The following UGT1A8 variants were observed in gnomAD, a reference collection of about 807,000 sequenced individuals.
The protein encoded by UGT1A8 is UDP glucuronosyltransferase family 1 member A8.
Under a neutral mutation model 45.3 loss-of-function variants are expected in UGT1A8, and 39 were observed. The observed-to-expected ratio is 0.86, with a 90% CI of 0.67 to 1.12. UGT1A8 has a LOEUF of 1.12. Among genes scored for constraint, UGT1A8 ranks in the 50% most tolerant of loss-of-function variants. The pLI, the probability that UGT1A8 is intolerant of heterozygous loss-of-function variation, is 0.00. For synonymous variants in UGT1A8, 275 were observed against 249.2 expected (o/e 1.10, Z -0.97); for missense variants, 719 against 664.9 (o/e 1.08, Z -0.90).
intron 3 of UGT1A8, 57 bp downstream of exon 3, chr2:233,767,993 T>G (rs2126036231): frequency 1.2e-6 from 2 of 1,614,180 alleles, no homozygotes; most frequent in Admixed American, 3.3e-5. Flanking sequence ...AGAAAATGGC[T>G]TAAGCACAGC....
intron 1 of UGT1A8, chr2:233,682,813 C>T (rs540122920): frequency 3.1e-5 from 50 of 1,593,566 alleles, no homozygotes; most frequent in Non-Finnish European, 4.1e-5. Context: ...TCCCCTTTAG[C>T]ACATTAAGAA....
intron 1 of UGT1A8, chr2:233,690,419 C>A: frequency 8.1e-7 from 1 of 1,228,856 alleles, no homozygotes; most frequent in Non-Finnish European, 1.1e-6. Flanking sequence ...AAATTACCTT[C>A]ATGCACATCT....
intron 1 of UGT1A8, among the ~76,000 whole-genome samples, chr2:233,709,696 T>C (rs554703505): frequency 1.5e-4 from 23 of 152,216 alleles, no homozygotes; most frequent in Non-Finnish European, 2.6e-4. Flanking sequence ...TGGGAAAATT[T>C]TGTTCTTTTT....
intron 1 of UGT1A8, among the ~76,000 whole-genome samples, chr2:233,759,124 T>C (rs184414791): frequency 7.2e-5 from 11 of 152,358 alleles, no homozygotes; most frequent in Admixed American, 2.6e-4. Flanking sequence ...AGTTACAGCC[T>C]CTGGTACGCA....
At chr2:233,724,425 G>A in intron 1 of UGT1A8, among the ~76,000 whole-genome samples, 1 of 126,932 alleles carries the variant, frequency 7.9e-6, no homozygotes, top group East Asian at 2.6e-4. Flanking sequence ...CGGGCGGAGA[G>A]GCTCCTCACT....
At chr2:233,640,275 A>G (rs781381662) in intron 1 of UGT1A8, among the ~76,000 whole-genome samples, 1 of 152,118 alleles carries the variant, frequency 6.6e-6, no homozygotes, top group Non-Finnish European at 1.5e-5. Context: ...AATAATTTTC[A>G]GTGTTTTGCT....
chr2:233,720,612 AT>A (rs749616035), intron 1 of UGT1A8, among the ~76,000 whole-genome samples: 15 of 151,828 alleles, frequency 9.9e-5, no homozygotes, highest in Non-Finnish European at 2.1e-4. Context: ...AATACAGAAT[AT>A]TTGGGTTTCA....
chr2:233,769,511 C>T lies in UGT1A8; in HGVS notation c.1295+1072C>T. On this transcript the variant is annotated intron_variant, in intron 4 of 4. Coordinates refer to ENST00000373450, the MANE Select transcript of UGT1A8 (RefSeq NM_019076.5). This position sits in a 1 kb window ranked among gnomAD's most constrained non-coding sequence, Gnocchi z 4.4. ...TTTATGAGAGTGTCCATTGCTTTCT[C>T]CCATGGTTACCTCCTTTAGAAAGAA... 6.2e-7 allele frequency: 1 copy of T among 1,612,794 alleles called. No individual in the cohort carries two copies. The highest frequency in any genetic ancestry group is 8.5e-7 in the Non-Finnish European group (1 of 1,179,854).
At chr2:233,757,560 A>ATATATATATATG (rs904896556) in intron 1 of UGT1A8, among the ~76,000 whole-genome samples, 14 of 123,154 alleles carry the variant, frequency 1.1e-4, no homozygotes, top group African/African-American at 4.8e-4. Context: ...ATATATATAT[A>ATATATATATATG]TGTATATATG....
At chr2:233,634,528 T>C (rs943506526) in intron 1 of UGT1A8, among the ~76,000 whole-genome samples, 2 of 152,328 alleles carry the variant, frequency 1.3e-5, no homozygotes, top group East Asian at 3.9e-4. Context: ...TAGCTCTTCT[T>C]GTTACATTGA....
In UGT1A8 at chr2:233,712,300, T is replaced by C. The variant is rs189228141; in HGVS notation, c.856-54734T>C. Among the ~76,000 whole-genome samples the C allele has an allele frequency of 8.4e-4, 128 of 151,886 alleles. 1 individual carries two copies. The highest frequency in any genetic ancestry group is 3.4e-3 in the Middle Eastern group (1 of 294). On this transcript the variant is annotated intron_variant, in intron 1 of 4. Coordinates refer to ENST00000373450, the MANE Select transcript of UGT1A8 (RefSeq NM_019076.5). ...AGCACCTCTTCTTCCATGGTGTAGA[T>C]GGAGAATCCTCAACAAAGCCTTTCC...
intron 1 of UGT1A8, chr2:233,717,688 G>A: frequency 2.3e-6 from 1 of 441,794 alleles, no homozygotes; most frequent in South Asian, 1.6e-5. Flanking sequence ...ATGTAGGAGT[G>A]ACTTTCTGGA....
rs1236146050 is a variant in UGT1A8, at chr2:233,618,381, A to G, written c.674A>G (p.Lys225Arg). 1 of 1,613,892 alleles carries G rather than the reference A, an allele frequency of 6.2e-7. No homozygotes were observed. The highest frequency in any genetic ancestry group is 8.5e-7 in the Non-Finnish European group (1 of 1,179,852). ...CATTTATTTTGCCAGTATTTTTCCA[A>G]AAATGCCCTAGAAATAGCCTCTGAA... ...EEHLFCQYFS[K>R]NALEIASEIL... Residue 225 changes from lysine to arginine, a missense_variant, in exon 1 of 5, where the codon AAA becomes AGA. Lys to Arg is a conservative substitution (Grantham distance 26, BLOSUM62 2). Coordinates refer to ENST00000373450, the MANE Select transcript of UGT1A8 (RefSeq NM_019076.5).
chr2:233,702,001 G>A (rs553035619), intron 1 of UGT1A8, among the ~76,000 whole-genome samples: 30 of 152,034 alleles, frequency 2.0e-4, no homozygotes, highest in African/African-American at 7.0e-4. Context: ...GATCAGAGCA[G>A]AACTGAAGGA....
At chr2:233,767,761 G>A in intron 2 of UGT1A8, 88 bp from the exon 3 acceptor site, 6 of 1,606,158 alleles carry the variant, frequency 3.7e-6, no homozygotes, top group Non-Finnish European at 5.1e-6. Context: ...TCCTTCAGAG[G>A]ACCCCTGTTT....
rs61740163 is a variant in UGT1A8 at position 233,729,805 on chromosome 2, T to G, written c.856-37229T>G. ...GGCCCTGTCCTACATTTGCCATGCT[T>G]TTTCTGCTCCTTATGCAAGCCTTGC... On this transcript the variant is annotated intron_variant, in intron 1 of 4. Coordinates refer to ENST00000373450, the MANE Select transcript of UGT1A8 (RefSeq NM_019076.5). 2.8e-4 allele frequency: 444 copies of G among 1,610,698 alleles called. 1 individual carries two copies. The African/African-American group carries it at 4.6e-3, about 17-fold the overall frequency.
At chr2:233,621,644 A>T (rs368386516) in intron 1 of UGT1A8, among the ~76,000 whole-genome samples, 1 of 152,208 alleles carries the variant, frequency 6.6e-6, no homozygotes, top group African/African-American at 2.4e-5. Context: ...ATCTTAGGTT[A>T]AATAATTTTC....
chr2:233,705,148 A>AG (rs1553608078), intron 1 of UGT1A8, among the ~76,000 whole-genome samples: 17 of 150,992 alleles, frequency 1.1e-4, no homozygotes, highest in Non-Finnish European at 1.8e-4. Context: ...AAAAAAAAAA[A>AG]AGAGAGAGAG....
intron 1 of UGT1A8, among the ~76,000 whole-genome samples, chr2:233,703,657 T>C (rs757009493): frequency 5.9e-5 from 9 of 152,190 alleles, no homozygotes; most frequent in Non-Finnish European, 1.0e-4. Flanking sequence ...GCATTTCTTT[T>C]GGTTGCTGTT....
Sources: allele counts gnomAD v4.1 joint callset (sites outside exome capture counted in the v4.1 genomes callset), GRCh38; gene constraint gnomAD v4.1.1; non-coding constraint Gnocchi (gnomAD v3.1); transcripts MANE v1.5; gene names NCBI Gene and HGNC (gene_info 2026-07-23, HGNC 2026-07-21).